The following SYNE1 variants were observed in gnomAD, a reference collection of about 807,000 sequenced individuals.
SYNE1 encodes spectrin repeat containing nuclear envelope protein 1, also known as nesprin-1.
SYNE1 carries 616 observed loss-of-function variants against 1,111.0 expected under a neutral mutation model. The observed-to-expected ratio is 0.55, with a 90% CI of 0.52 to 0.59. The LOEUF (loss-of-function observed/expected upper bound fraction) is 0.59, where lower values mean the gene tolerates loss of function less well. Among genes scored for constraint, SYNE1 ranks in the 20% least tolerant of loss-of-function variants. The pLI, the probability that SYNE1 is intolerant of heterozygous loss-of-function variation, is 0.00. For missense variants in SYNE1, 10,006 were observed against 10,417.0 expected (o/e 0.96, Z 1.72); for synonymous variants, 3,855 against 3,825.8 (o/e 1.01, Z -0.28).
Position 152,300,761 on chromosome 6 carries a change from G to C in SYNE1, c.17562C>G (p.His5854Gln). Residue 5854 changes from histidine (H) to glutamine (Q), a missense_variant, in exon 93 of 146, where the codon CAC becomes CAG. This residue lies in a region of SYNE1 where 4,955 missense variants were observed against 5,017.2 expected (regional missense o/e 0.99). Transcript: ENST00000367255. ...SVVMMTAGRC[H>Q]TLLSPVTEES... is the part of the protein sequence containing the mutation. ...CCTCAGTGACCGGTGACAGCAAAGT[G>C]TGACAGCGACCTGCAGTCATCTGCC... The C allele has an allele frequency of 6.2e-7, 1 of 1,614,222 alleles. No individual in the cohort carries two copies. The highest frequency in any genetic ancestry group is 8.5e-7 in the Non-Finnish European group (1 of 1,180,036).
intron 5 of SYNE1, 58 bp from the exon 6 acceptor site, chr6:152,520,600 T>C (rs1283173388): frequency 3.9e-6 from 6 of 1,550,014 alleles, no homozygotes; most frequent in Admixed American, 3.3e-5. Flanking sequence ...AAAATGTTAG[T>C]TATAAGATCT....
In SYNE1 at chr6:152,461,625, A is replaced by T. The variant is rs2098734648; in HGVS notation, c.2366T>A (p.Met789Lys). 6.2e-7 allele frequency: 1 copy of T among 1,613,882 alleles called. No individual in the cohort carries two copies. Among genetic ancestry groups the T allele is most frequent in the African/African-American group, 1.3e-5 (1 of 74,906 alleles). The change falls in exon 21 of 146, where the codon ATG becomes AAG. Residue 789 changes from methionine to lysine, a missense_variant. Met to Lys is a moderately conservative substitution (Grantham distance 95). This residue lies in a region of SYNE1 where 1,971 missense variants were observed against 2,084.1 expected (regional missense o/e 0.95). Coordinates refer to ENST00000367255, the MANE Select transcript of SYNE1 (RefSeq NM_182961.4). ...QEEGKEMFAT[M>K]SKLKEQLTKV... Reference sequence around the variant, plus strand: ...GGTTAGCTGCTCTTTGAGCTTTGACATGGTCGCAAACATTTCTTTTCCTTC... The same window carrying T: ...GGTTAGCTGCTCTTTGAGCTTTGACTTGGTCGCAAACATTTCTTTTCCTTC...
intron 3 of SYNE1, among the ~76,000 whole-genome samples, chr6:152,561,706 TA>T (rs1211777944): frequency 6.6e-6 from 1 of 151,986 alleles, no homozygotes; most frequent in Non-Finnish European, 1.5e-5. Context: ...GGTACTGGCA[TA>T]AAAAAACAAT....
intron 78 of SYNE1, among the ~76,000 whole-genome samples, chr6:152,329,229 CA>C (rs2153966974): frequency 6.6e-6 from 1 of 152,204 alleles, no homozygotes; most frequent in Non-Finnish European, 1.5e-5. Flanking sequence ...TGCACATAAA[CA>C]ATTAAAATCA....
At chr6:152,289,427 T>C (rs963343870) in intron 95 of SYNE1, among the ~76,000 whole-genome samples, 14 of 152,162 alleles carry the variant, frequency 9.2e-5, no homozygotes, top group African/African-American at 2.9e-4. Flanking sequence ...TTTAGGGGGA[T>C]GGAAGCTTGC....
intron 30 of SYNE1, 68 bp downstream of exon 30, chr6:152,444,343 A>C (rs1272875004): frequency 6.4e-7 from 1 of 1,555,228 alleles, no homozygotes; most frequent in Non-Finnish European, 8.8e-7. Context: ...TGTATTCTTT[A>C]TCTCTCTGGT....
At chr6:152,368,813 T>A in intron 61 of SYNE1, 159 bp downstream of exon 61, 1 of 869,432 alleles carries the variant, frequency 1.2e-6, no homozygotes, top group South Asian at 1.4e-5. Context: ...TGAACTCAGA[T>A]TGCAAGGCTA....
chr6:152,471,791 T>C (rs548978166), intron 15 of SYNE1, 26 bp from the exon 16 acceptor site: 3 of 1,609,306 alleles, frequency 1.9e-6, no homozygotes, highest in East Asian at 4.5e-5. Flanking sequence ...GGAGAATTTA[T>C]AGAATGTAAC....
At chr6:152,283,444 C>G (rs2094145182) in intron 96 of SYNE1, among the ~76,000 whole-genome samples, 1 of 152,180 alleles carries the variant, frequency 6.6e-6, no homozygotes, top group South Asian at 2.1e-4. Context: ...ATATTTCACG[C>G]CTGAAATGAG....
chr6:152,329,661 C>G (rs1443792375), intron 78 of SYNE1, 69 bp downstream of exon 78: 9 of 1,607,140 alleles, frequency 5.6e-6, no homozygotes, highest in Non-Finnish European at 7.7e-6. Context: ...ACCAAGCAAA[C>G]GAATTTCTTG....
chr6:152,158,585 C>A (rs934740411), intron 131 of SYNE1, among the ~76,000 whole-genome samples: 1 of 152,050 alleles, frequency 6.6e-6, no homozygotes, highest in African/African-American at 2.4e-5. Context: ...TCTGACATAA[C>A]CTCCTTCACT....
chr6:152,448,617 G>A (rs1477421899), intron 28 of SYNE1, among the ~76,000 whole-genome samples: 2 of 152,132 alleles, frequency 1.3e-5, no homozygotes, highest in Admixed American at 6.5e-5. Context: ...CGAGCAGGGC[G>A]GATCGCTTGA....
chr6:152,255,301 T>G (rs908477462), intron 103 of SYNE1, among the ~76,000 whole-genome samples: 1 of 152,238 alleles, frequency 6.6e-6, no homozygotes, highest in Non-Finnish European at 1.5e-5. Context: ...ATGAGCAATG[T>G]AAAGTGCTAT....
At chr6:152,376,734 T>G (rs1229015786) in intron 57 of SYNE1, 42 bp downstream of exon 57, 1 of 1,611,738 alleles carries the variant, frequency 6.2e-7, no homozygotes, top group Admixed American at 1.7e-5. Flanking sequence ...AGCTTCTAAT[T>G]TGTATAAAAA....
chr6:152,151,981 G>T lies in SYNE1; in HGVS notation c.24290C>A (p.Thr8097Asn). 3 of 1,614,228 alleles carry T rather than the reference G, an allele frequency of 1.9e-6. No individual in the cohort carries two copies. Among genetic ancestry groups the T allele is most frequent in the Non-Finnish European group, 2.5e-6 (3 of 1,180,052 alleles). Residue 8097 changes from threonine to asparagine, a missense_variant, in exon 134 of 146, where the codon ACC becomes AAC. Thr to Asn is a moderately conservative substitution (Grantham distance 65). Around this residue, in one of 7 missense-constraint regions of SYNE1, gnomAD observed 2,182 missense variants for 2,287.8 expected, o/e 0.95. Coordinates refer to ENST00000367255, the MANE Select transcript of SYNE1 (RefSeq NM_182961.4). ...QRWDNLQKRV[T>N]SILRRLKHFI... is the part of the protein sequence containing the mutation. ...AACCTTGAGTCTGCGCAAGATGGAGGTGACACGCTTTTGCAGGTTGTCCCA... is the reference window on the plus strand; with the variant it reads ...AACCTTGAGTCTGCGCAAGATGGAGTTGACACGCTTTTGCAGGTTGTCCCA...
At chr6:152,209,610 C>T (rs964555728) in intron 124 of SYNE1, among the ~76,000 whole-genome samples, 9 of 151,900 alleles carry the variant, frequency 5.9e-5, no homozygotes, top group African/African-American at 1.9e-4. Flanking sequence ...ATTAGCCGGG[C>T]GTGGTGGTGC....
At chr6:152,557,129 C>T (rs1223116988) in intron 3 of SYNE1, among the ~76,000 whole-genome samples, 2 of 151,702 alleles carry the variant, frequency 1.3e-5, no homozygotes, top group Middle Eastern at 3.2e-3. Context: ...AAGAACAAAA[C>T]AAAAATTCTG....
chr6:152,249,331 A>G, intron 104 of SYNE1, 69 bp from the exon 105 acceptor site: 2 of 892,100 alleles, frequency 2.2e-6, no homozygotes, highest in Non-Finnish European at 3.8e-6. Context: ...TAAATATAAC[A>G]CAGATTCTAA....
rs754971553 is a variant in SYNE1, at chr6:152,447,541, A to G, written c.3586T>C (p.Ser1196Pro). ...CCCTGCTTTTGGGCTTCATTCTCAG[A>G]AGAAACTTCTGTCAAAACTTTCAGC... ...SRLKVLTEVS[S>P]ENEAQKQGDE... Residue 1196 changes from serine to proline, a missense_variant, in exon 29 of 146, where the codon TCT becomes CCT. This residue lies in a region of SYNE1 where 1,971 missense variants were observed against 2,084.1 expected (regional missense o/e 0.95). Transcript: ENST00000367255. The G allele has an allele frequency of 1.9e-6, 3 of 1,614,226 alleles. No homozygotes were observed. Among genetic ancestry groups the G allele is most frequent in the Middle Eastern group, 3.3e-4 (2 of 6,062 alleles).
Sources: allele counts gnomAD v4.1 joint callset (sites outside exome capture counted in the v4.1 genomes callset), GRCh38; gene constraint gnomAD v4.1.1; regional missense constraint gnomAD v4.1.1; transcripts MANE v1.5; gene names NCBI Gene and HGNC (gene_info 2026-07-23, HGNC 2026-07-21).